FAM210A: variants seen among roughly 807,000 people sequenced by gnomAD.
FAM210A encodes family with sequence similarity 210 member A.
In FAM210A, 13 loss-of-function variants were observed where a neutral mutation model predicts 25.3. The ratio of observed to expected loss-of-function variants is 0.51; its 90% CI spans 0.33 to 0.82. The LOEUF is 0.82. Among genes scored for constraint, FAM210A ranks in the 40% least tolerant of loss-of-function variants. The pLI, the probability that FAM210A is intolerant of heterozygous loss-of-function variation, is 0.02. For synonymous variants in FAM210A, 125 were observed against 118.7 expected (o/e 1.05, Z -0.35); for missense variants, 319 against 323.2 (o/e 0.99, Z 0.10).
At chr18:13,672,020 T>C in intron 2 of FAM210A, 47 bp from the exon 3 acceptor site, 1 of 1,356,652 alleles carries the variant, frequency 7.4e-7, no homozygotes, top group Non-Finnish European at 1.0e-6. Flanking sequence ...CTTTTAATGA[T>C]ATTTTCAAAA....
chr18:13,702,200 C>A (rs1345541415), intron 1 of FAM210A, among the ~76,000 whole-genome samples: 1 of 152,230 alleles, frequency 6.6e-6, no homozygotes, highest in Non-Finnish European at 1.5e-5. Flanking sequence ...ACCAGTCAGA[C>A]TTCTACCTCT....
chr18:13,674,058 A>G (rs28589847), intron 2 of FAM210A, among the ~76,000 whole-genome samples: 22,533 of 119,382 alleles, frequency 0.19, 3,153 homozygotes, highest in East Asian at 0.3. Context: ...CTTTATTTCC[A>G]GTTTCCTGAT....
intron 1 of FAM210A, among the ~76,000 whole-genome samples, chr18:13,713,309 CTGAGA>C (rs1051907673): frequency 1.1e-4 from 16 of 152,098 alleles, no homozygotes; most frequent in African/African-American, 1.9e-4. Flanking sequence ...ATTTCCATAC[CTGAGA>C]TAAGATTTTA....
intron 1 of FAM210A, among the ~76,000 whole-genome samples, chr18:13,682,459 T>C (rs1453054145): frequency 6.6e-6 from 1 of 151,746 alleles, no homozygotes; most frequent in Non-Finnish European, 1.5e-5. Context: ...TTCCAGCTAC[T>C]CAGGAGGCTG....
chr18:13,714,796 A>G (rs887097522), intron 1 of FAM210A, among the ~76,000 whole-genome samples: 13 of 152,202 alleles, frequency 8.5e-5, no homozygotes, highest in Admixed American at 3.9e-4. Flanking sequence ...GAGTCTGAAC[A>G]GCTGGATAAG....
At chr18:13,703,189 A>G (rs2043754214) in intron 1 of FAM210A, among the ~76,000 whole-genome samples, 1 of 152,216 alleles carries the variant, frequency 6.6e-6, no homozygotes, top group Admixed American at 6.5e-5. Flanking sequence ...GGTATCAGCA[A>G]TTACTTCACA....
At chr18:13,686,473 TC>T (rs1480899020) in intron 1 of FAM210A, among the ~76,000 whole-genome samples, 5 of 152,240 alleles carry the variant, frequency 3.3e-5, no homozygotes, top group African/African-American at 1.2e-4. Flanking sequence ...ATTAGTTCAT[TC>T]CCTGTCCCCC....
At chr18:13,669,951 T>C (rs2149050948) in intron 3 of FAM210A, among the ~76,000 whole-genome samples, 1 of 152,212 alleles carries the variant, frequency 6.6e-6, no homozygotes. Context: ...GGGTTACAGA[T>C]AATACAAAGG....
chr18:13,695,090 G>A (rs904389674), intron 1 of FAM210A, among the ~76,000 whole-genome samples: 2 of 152,226 alleles, frequency 1.3e-5, no homozygotes, highest in African/African-American at 4.8e-5. Flanking sequence ...AGACATTTAT[G>A]CAGCCAACAG....
intron 1 of FAM210A, among the ~76,000 whole-genome samples, chr18:13,698,351 C>CAAAAAAAAAA (rs11464991): frequency 5.5e-5 from 4 of 72,922 alleles, no homozygotes; most frequent in African/African-American, 2.2e-4. Context: ...GACTCCATCT[C>CAAAAAAAAAA]AAAAAAAAAA....
intron 1 of FAM210A, among the ~76,000 whole-genome samples, chr18:13,725,202 T>G (rs900507120): frequency 2.0e-5 from 3 of 152,254 alleles, no homozygotes; most frequent in Non-Finnish European, 4.4e-5. Flanking sequence ...AATGCTTGTA[T>G]ATGCCTATAA....
At chr18:13,715,833 T>C (rs1225018013) in intron 1 of FAM210A, among the ~76,000 whole-genome samples, 3 of 152,250 alleles carry the variant, frequency 2.0e-5, no homozygotes, top group Non-Finnish European at 4.4e-5. Context: ...TTTCAGATCC[T>C]ATAATCCCCA....
intron 1 of FAM210A, among the ~76,000 whole-genome samples, chr18:13,707,339 C>T (rs1387714076): frequency 6.6e-6 from 1 of 152,218 alleles, no homozygotes; most frequent in Non-Finnish European, 1.5e-5. Flanking sequence ...AGTGGAGCCA[C>T]TCCTGTTAAA....
intron 1 of FAM210A, among the ~76,000 whole-genome samples, chr18:13,694,841 G>T (rs1404580230): frequency 6.6e-6 from 1 of 152,104 alleles, no homozygotes; most frequent in African/African-American, 2.4e-5. Context: ...CAAAAGCAAT[G>T]GCAACAAAAG....
intron 1 of FAM210A, among the ~76,000 whole-genome samples, chr18:13,708,330 G>A (rs557330778): frequency 9.8e-5 from 15 of 152,304 alleles, no homozygotes; most frequent in South Asian, 4.1e-4. Context: ...CCACCCTTTC[G>A]GCACCTCCAT....
chr18:13,671,383 T>A (rs1194620688), intron 3 of FAM210A, among the ~76,000 whole-genome samples: 1 of 152,160 alleles, frequency 6.6e-6, no homozygotes, highest in Admixed American at 6.5e-5. Flanking sequence ...AATATAATTA[T>A]ACTTAAAATA....
intron 1 of FAM210A, among the ~76,000 whole-genome samples, chr18:13,693,594 G>A (rs1363076492): frequency 6.6e-6 from 1 of 152,088 alleles, no homozygotes; most frequent in Non-Finnish European, 1.5e-5. Flanking sequence ...TTCAACATAC[G>A]CAAATCAATA....
Position 13,666,148 on chromosome 18 carries a change from C to A in FAM210A, c.*332G>T, listed in dbSNP as rs1405884683. The A allele has an allele frequency of 4.2e-6, 1 of 239,732 alleles. No individual in the cohort carries two copies. The highest frequency in any genetic ancestry group is 9.6e-5 in the East Asian group (1 of 10,392). The allele number at this position is 239,732 out of a possible 1,614,324, so 14.9% of individuals were successfully genotyped here. A position where few individuals can be genotyped will look rare whatever the true frequency, so the allele number is the denominator to read the frequency against. Reference sequence around the variant, plus strand: ...TCACACTGGATATTCAAGGAGTCAGCTGCCTAGTATGTGTCAATTACAGCT... The same window carrying A: ...TCACACTGGATATTCAAGGAGTCAGATGCCTAGTATGTGTCAATTACAGCT... On this transcript the variant is annotated 3_prime_UTR_variant, in exon 4 of 4. Transcript: ENST00000651643.
chr18:13,724,613 A>G (rs2043919353), intron 1 of FAM210A, among the ~76,000 whole-genome samples: 1 of 152,172 alleles, frequency 6.6e-6, no homozygotes, highest in Non-Finnish European at 1.5e-5. Flanking sequence ...ATTTACTTAC[A>G]TTAACTGCTT....
Sources: gnomAD v4.1 joint callset for allele counts (sites outside exome capture counted in the v4.1 genomes callset) on GRCh38, gnomAD v4.1.1 for gene constraint, MANE v1.5 for transcripts, NCBI Gene and HGNC (gene_info 2026-07-23, HGNC 2026-07-21) for gene names.